LRMDA: variants seen among roughly 807,000 people sequenced by gnomAD.
The protein encoded by LRMDA is leucine rich melanocyte differentiation associated, also known as leucine-rich melanocyte differentiation-associated protein.
LRMDA carries 18 observed loss-of-function variants against 29.8 expected under a neutral mutation model. That is an observed-to-expected ratio of 0.60 (90% CI 0.42 to 0.90). The LOEUF (loss-of-function observed/expected upper bound fraction) is 0.90, where lower values mean the gene tolerates loss of function less well. Ranked by LOEUF, LRMDA falls within the 40% of genes least tolerant of loss-of-function variation. LRMDA has a pLI of 0.00. For missense variants in LRMDA, 273 were observed against 273.9 expected, an observed-to-expected ratio of 1.00 and a Z score of 0.02; for synonymous variants, 125 against 109.4, an observed-to-expected ratio of 1.14 and a Z score of -0.89.
At chr10:75,983,646 C>T (rs752944601) in intron 2 of LRMDA, among the ~76,000 whole-genome samples, 11 of 151,930 alleles carry the variant, frequency 7.2e-5, no homozygotes, top group African/African-American at 1.5e-4. Flanking sequence ...CGTACATGTA[C>T]GTCTCCAATG....
At chr10:75,998,771 A>G (rs1847514454) in intron 2 of LRMDA, among the ~76,000 whole-genome samples, 1 of 152,210 alleles carries the variant, frequency 6.6e-6, no homozygotes, top group Admixed American at 6.5e-5. Context: ...TGGAATGGCA[A>G]AACACTTGTG....
chr10:75,930,017 A>T (rs1846181771), intron 2 of LRMDA, among the ~76,000 whole-genome samples: 1 of 152,160 alleles, frequency 6.6e-6, no homozygotes, highest in South Asian at 2.1e-4. Context: ...CCTTTTATTC[A>T]TACCATGAAG....
chr10:75,890,673 A>G lies in LRMDA; in HGVS notation c.132-145335A>G, dbSNP rs954684847. On this transcript the variant is annotated intron_variant, in intron 2 of 6. Transcript: ENST00000611255. Reference sequence around the variant, plus strand: ...GTACCATGCTTTACAAAATGCAACAAGATTGACTTGGTACACAGAGGTAGA... The same window carrying G: ...GTACCATGCTTTACAAAATGCAACAGGATTGACTTGGTACACAGAGGTAGA... Among the ~76,000 whole-genome samples the G allele has an allele frequency of 2.6e-5, 4 of 152,188 alleles. No individual in the cohort carries two copies. In the East Asian group the frequency reaches 7.7e-4, roughly 29 times the overall value.
chr10:76,223,109 A>G (rs1256900376), intron 5 of LRMDA, among the ~76,000 whole-genome samples: 45 of 150,690 alleles, frequency 3.0e-4, no homozygotes, highest in Admixed American at 1.9e-3. Context: ...CACTGTGGGG[A>G]CTGTTGTGGG....
chr10:76,283,638 C>T (rs1245743008), intron 5 of LRMDA, among the ~76,000 whole-genome samples: 1 of 152,186 alleles, frequency 6.6e-6, no homozygotes, highest in Non-Finnish European at 1.5e-5. Flanking sequence ...TAGGTATTAT[C>T]TCATTAATCC....
At chr10:76,229,378 T>C (rs927673718) in intron 5 of LRMDA, among the ~76,000 whole-genome samples, 1 of 152,148 alleles carries the variant, frequency 6.6e-6, no homozygotes, top group Non-Finnish European at 1.5e-5. Context: ...AAGTAAATGA[T>C]GTTTAGGAGA....
At chr10:76,431,929 A>C (rs141714660) in intron 6 of LRMDA, among the ~76,000 whole-genome samples, 1 of 152,350 alleles carries the variant, frequency 6.6e-6, no homozygotes, top group East Asian at 1.9e-4. Context: ...CATGTGAGAC[A>C]TGCCTTTCAC....
At chr10:75,751,304 GGA>G (rs1374384400) in intron 2 of LRMDA, among the ~76,000 whole-genome samples, 2 of 151,826 alleles carry the variant, frequency 1.3e-5, no homozygotes, top group Non-Finnish European at 2.9e-5. Flanking sequence ...GGGAGACTGT[GGA>G]GAGAGAGGGA....
chr10:76,320,571 T>C (rs1218252401), intron 5 of LRMDA, among the ~76,000 whole-genome samples: 4 of 152,202 alleles, frequency 2.6e-5, no homozygotes, highest in African/African-American at 7.2e-5. Context: ...CATGTCAATA[T>C]AGGAGTGCAT....
intron 2 of LRMDA, among the ~76,000 whole-genome samples, chr10:75,904,912 C>G (rs1395800439): frequency 1.3e-5 from 2 of 151,832 alleles, no homozygotes; most frequent in East Asian, 3.9e-4. Context: ...GTGAGAGGAG[C>G]CTTATCTCTC....
chr10:75,794,421 A>G (rs1410077115), intron 2 of LRMDA, among the ~76,000 whole-genome samples: 2 of 88,326 alleles, frequency 2.3e-5, no homozygotes, highest in Non-Finnish European at 5.1e-5. Flanking sequence ...GTGTAGATCT[A>G]GATTTTTATT....
At chr10:75,550,465 T>G (rs1840128638) in intron 2 of LRMDA, among the ~76,000 whole-genome samples, 1 of 152,118 alleles carries the variant, frequency 6.6e-6, no homozygotes, top group Non-Finnish European at 1.5e-5. Flanking sequence ...CTACTTTGTA[T>G]TATGTTATTA....
intron 5 of LRMDA, among the ~76,000 whole-genome samples, chr10:76,194,908 T>C (rs940992745): frequency 2.0e-5 from 3 of 152,254 alleles, no homozygotes; most frequent in African/African-American, 4.8e-5. Context: ...AAGACAATGA[T>C]GGAATGTGTC....
intron 5 of LRMDA, among the ~76,000 whole-genome samples, chr10:76,062,747 A>T (rs1032047524): frequency 1.3e-5 from 2 of 151,884 alleles, no homozygotes; most frequent in Admixed American, 1.3e-4. Context: ...TCCAAAATTC[A>T]AATATATAAA....
chr10:76,158,415 T>C (rs1472496217), intron 5 of LRMDA, among the ~76,000 whole-genome samples: 1 of 152,248 alleles, frequency 6.6e-6, no homozygotes, highest in African/African-American at 2.4e-5. Context: ...TTAATTATTA[T>C]TTATGTTTTT....
At chr10:76,335,883 G>A (rs1490644841) in intron 6 of LRMDA, among the ~76,000 whole-genome samples, 1 of 152,140 alleles carries the variant, frequency 6.6e-6, no homozygotes, top group East Asian at 1.9e-4. Context: ...AATGCTGGTT[G>A]GCTTTTCCTG....
intron 5 of LRMDA, among the ~76,000 whole-genome samples, chr10:76,081,411 C>T (rs1399723211): frequency 1.3e-5 from 2 of 152,132 alleles, no homozygotes; most frequent in African/African-American, 4.8e-5. Flanking sequence ...CATGATCACA[C>T]CACTGCACTC....
chr10:75,743,429 G>A (rs986785541), intron 2 of LRMDA: 13 of 152,194 alleles, frequency 8.5e-5, no homozygotes, highest in African/African-American at 2.9e-4. Context: ...TTCCTGTTTC[G>A]TCTGGTAACT....
At chr10:76,153,071 C>A (rs1464840013) in intron 5 of LRMDA, among the ~76,000 whole-genome samples, 2 of 152,064 alleles carry the variant, frequency 1.3e-5, no homozygotes, top group Admixed American at 6.6e-5. Context: ...GAACTCCTGA[C>A]CTCGTGATCT....
Sources: gnomAD v4.1 joint callset for allele counts (sites outside exome capture counted in the v4.1 genomes callset) on GRCh38, gnomAD v4.1.1 for gene constraint, MANE v1.5 for transcripts, NCBI Gene and HGNC (gene_info 2026-07-23, HGNC 2026-07-21) for gene names.